Variants in ME3 observed in about 807,000 individuals in gnomAD.
ME3 encodes the protein malic enzyme 3, also known as NADP-dependent malic enzyme, mitochondrial.
A neutral mutation model predicts 68.9 loss-of-function variants in ME3; 48 were observed. That is an observed-to-expected ratio of 0.70 (90% CI 0.55 to 0.89). The LOEUF (loss-of-function observed/expected upper bound fraction) is 0.89, where lower values mean the gene tolerates loss of function less well. Among genes scored for constraint, ME3 ranks in the 40% least tolerant of loss-of-function variants. The pLI, the probability that ME3 is intolerant of heterozygous loss-of-function variation, is 0.00. For synonymous variants in ME3, 320 were observed against 318.8 expected (o/e 1.00, Z -0.04); for missense variants, 675 against 797.4 (o/e 0.85, Z 1.85).
chr11:86,572,591 GTC>G (rs1957863342), intron 2 of ME3, among the ~76,000 whole-genome samples: 1 of 152,124 alleles, frequency 6.6e-6, no homozygotes, highest in South Asian at 2.1e-4. Context: ...CTTCATTCAT[GTC>G]TCTGCAAAGG....
intron 2 of ME3, among the ~76,000 whole-genome samples, chr11:86,615,030 T>TA (rs1403141000): frequency 1.3e-5 from 2 of 150,364 alleles, no homozygotes; most frequent in Admixed American, 1.3e-4. Context: ...ATCGTTTTTT[T>TA]AAAAAATATC....
At chr11:86,543,620 A>G (rs935650639) in intron 4 of ME3, among the ~76,000 whole-genome samples, 1 of 152,218 alleles carries the variant, frequency 6.6e-6, no homozygotes, top group African/African-American at 2.4e-5. Flanking sequence ...CTAAATATAT[A>G]TGCACCCAAT....
chr11:86,598,915 G>A (rs937736185), intron 2 of ME3, among the ~76,000 whole-genome samples: 20 of 152,232 alleles, frequency 1.3e-4, no homozygotes, highest in South Asian at 4.1e-4. Context: ...GAAAACTAAC[G>A]AACAGAAAGG....
At chr11:86,595,354 G>A (rs1325751609) in intron 2 of ME3, among the ~76,000 whole-genome samples, 1 of 135,528 alleles carries the variant, frequency 7.4e-6, no homozygotes, top group Non-Finnish European at 1.5e-5. Context: ...TCAGTCACTG[G>A]TCCAGGCACT....
At chr11:86,501,194 A>ATAATAATAATAATAATAATAATAC (rs111280850) in intron 5 of ME3, among the ~76,000 whole-genome samples, 5 of 150,542 alleles carry the variant, frequency 3.3e-5, no homozygotes, top group Admixed American at 2.7e-4. Flanking sequence ...AATAATAATA[A>ATAATAATAATAATAATAATAATAC]TACTTAACTC....
At chr11:86,620,194 TC>T (rs1943256070) in intron 2 of ME3, among the ~76,000 whole-genome samples, 1 of 152,186 alleles carries the variant, frequency 6.6e-6, no homozygotes, top group Non-Finnish European at 1.5e-5. Context: ...ATGACATATA[TC>T]CCTATTTTCT....
chr11:86,638,184 C>G (rs1429429815), intron 2 of ME3, among the ~76,000 whole-genome samples: 17 of 152,078 alleles, frequency 1.1e-4, no homozygotes, highest in Admixed American at 1.1e-3. Flanking sequence ...CCAGGCTAAC[C>G]TCAAAGCTAG....
At chr11:86,450,476 C>A in intron 8 of ME3, 78 bp from the exon 9 acceptor site, 1 of 1,217,568 alleles carries the variant, frequency 8.2e-7, no homozygotes, top group South Asian at 1.3e-5. Flanking sequence ...CAGAGTTCCC[C>A]ACATCTGGGA....
intron 2 of ME3, among the ~76,000 whole-genome samples, chr11:86,648,667 A>G (rs1343935147): frequency 6.6e-6 from 1 of 152,146 alleles, no homozygotes; most frequent in African/African-American, 2.4e-5. Context: ...ACTGATCCCA[A>G]AGAAATACAA....
chr11:86,602,048 C>G lies in ME3; in HGVS notation c.184-42225G>C, dbSNP rs1350346677. Among the ~76,000 whole-genome samples, 18 of 150,392 alleles carry G rather than the reference C, an allele frequency of 1.2e-4. No homozygotes were observed. In the East Asian group the frequency reaches 2.8e-3, roughly 23 times the overall value. Reference sequence around the variant, plus strand: ...ATTCCCTTTGAAAACTGGCACAAGACAGGGATGCCCTCTCTCACCACTCCT... The same window carrying G: ...ATTCCCTTTGAAAACTGGCACAAGAGAGGGATGCCCTCTCTCACCACTCCT... On this transcript the variant is annotated intron_variant, in intron 2 of 14. Coordinates refer to ENST00000543262, the Ensembl canonical transcript of ME3.
intron 2 of ME3, among the ~76,000 whole-genome samples, chr11:86,565,200 T>TAC (rs751891045): frequency 6.6e-5 from 10 of 151,406 alleles, no homozygotes; most frequent in Non-Finnish European, 1.3e-4. Context: ...CACGTACACA[T>TAC]ACACACACAC....
intron 4 of ME3, among the ~76,000 whole-genome samples, chr11:86,516,860 T>C (rs975294219): frequency 2.6e-5 from 4 of 152,092 alleles, no homozygotes; most frequent in African/African-American, 9.7e-5. Flanking sequence ...CTCTCTTAGC[T>C]AGTGCTTGGT....
chr11:86,663,754 G>A (rs974890347), intron 2 of ME3, among the ~76,000 whole-genome samples: 9 of 152,150 alleles, frequency 5.9e-5, no homozygotes, highest in Non-Finnish European at 1.3e-4. Flanking sequence ...AGTAAAATAA[G>A]GCCATAAACC....
chr11:86,551,940 T>C (rs551100648), intron 4 of ME3, among the ~76,000 whole-genome samples: 2 of 152,354 alleles, frequency 1.3e-5, no homozygotes, highest in East Asian at 3.9e-4. Context: ...TACTTGCTAA[T>C]GATTTGCTAG....
chr11:86,469,443 T>C (rs1428742354), intron 7 of ME3, among the ~76,000 whole-genome samples: 1 of 152,114 alleles, frequency 6.6e-6, no homozygotes, highest in Non-Finnish European at 1.5e-5. Flanking sequence ...CTCCAGGTCA[T>C]ACTGTGGAAC....
chr11:86,572,443 C>T (rs559835330), intron 2 of ME3, among the ~76,000 whole-genome samples: 1 of 152,262 alleles, frequency 6.6e-6, no homozygotes, highest in Admixed American at 6.5e-5. Flanking sequence ...TTGCTTTCCA[C>T]TGCCCAACAG....
In ME3 at chr11:86,442,952, C is replaced by G. The variant is rs1225055644; in HGVS notation, c.1555-33G>C. 6 of 1,555,594 alleles carry G rather than the reference C, an allele frequency of 3.9e-6. 1 individual carries two copies. In the South Asian group the frequency reaches 6.7e-5, roughly 17 times the overall value. ...GAAGGAGAGAACCGAGAGGAATAAG[C>G]TGAGTCTCTGCCTTCCCAAAACAAG... On this transcript the variant is annotated intron_variant, in intron 13 of 14. Transcript: ENST00000543262.
intron 8 of ME3, among the ~76,000 whole-genome samples, chr11:86,457,110 C>G (rs1010944821): frequency 6.6e-6 from 1 of 152,168 alleles, no homozygotes; most frequent in African/African-American, 2.4e-5. Flanking sequence ...TCATTTTTGC[C>G]TACTTGTCCC....
intron 4 of ME3, among the ~76,000 whole-genome samples, chr11:86,543,704 C>T (rs1228457543): frequency 2.0e-5 from 3 of 152,060 alleles, no homozygotes; most frequent in African/African-American, 4.8e-5. Flanking sequence ...ACAAGAACAG[C>T]GGGAGACTTT....
Sources: gnomAD v4.1 joint callset for allele counts (sites outside exome capture counted in the v4.1 genomes callset) on GRCh38, gnomAD v4.1.1 for gene constraint, MANE v1.5 for transcripts, NCBI Gene and HGNC (gene_info 2026-07-23, HGNC 2026-07-21) for gene names.